BZW2: variants seen among roughly 807,000 people sequenced by gnomAD.
The protein encoded by BZW2 is eIF5-mimic protein 1.
In BZW2, 23 loss-of-function variants were observed where a neutral mutation model predicts 53.2. The ratio of observed to expected loss-of-function variants is 0.43; its 90% CI spans 0.31 to 0.61. The LOEUF is 0.61. Among genes scored for constraint, BZW2 ranks in the 20% least tolerant of loss-of-function variants. The pLI is 0.09. For missense variants in BZW2, 409 were observed against 503.1 expected (o/e 0.81, Z 1.79); for synonymous variants, 227 against 186.4 (o/e 1.22, Z -1.77).
chr7:16,697,298 C>A (rs555394125), intron 9 of BZW2, among the ~76,000 whole-genome samples: 2 of 152,064 alleles, frequency 1.3e-5, no homozygotes, highest in East Asian at 1.9e-4. Flanking sequence ...GCTGTGTTGC[C>A]CAGGCTGGTC....
Position 16,682,839 on chromosome 7 carries a change from G to GA in BZW2, c.404dup (p.Leu136AlafsTer6). 6.4e-7 allele frequency: 1 copy of GA among 1,570,222 alleles called. No individual in the cohort carries two copies. Among genetic ancestry groups the GA allele is most frequent in the South Asian group, 1.1e-5 (1 of 88,176 alleles). ...TGGAGAAGGCATTTGAAGATGAAATGAAAAAGGTAAAAATTCAAATATAAT... is the reference window on the plus strand; with the variant it reads ...TGGAGAAGGCATTTGAAGATGAAATGAAAAAAGGTAAAAATTCAAATATAAT... On this transcript the variant is annotated frameshift_variant, in exon 5 of 12. Transcript: ENST00000258761. LOFTEE classifies it high-confidence loss of function.
Position 16,691,602 on chromosome 7 carries a change from G to A in BZW2, c.651+1696G>A, listed in dbSNP as rs139853477. Among the ~76,000 whole-genome samples, 139 of 152,328 alleles carry A rather than the reference G, an allele frequency of 9.1e-4. 2 individuals carry two copies. In the East Asian group the frequency reaches 0.024, roughly 26 times the overall value. ...AAAACTCACCTATGGACGCTGCCAT[G>A]CCTGGCAATAGATTGGGAAAATCCA... On this transcript the variant is annotated intron_variant, in intron 7 of 11. Coordinates refer to ENST00000258761, the MANE Select transcript of BZW2 (RefSeq NM_014038.3).
At chr7:16,654,589 C>G (rs1489188083) in intron 1 of BZW2, among the ~76,000 whole-genome samples, 2 of 146,248 alleles carry the variant, frequency 1.4e-5, no homozygotes, top group Admixed American at 1.4e-4. Flanking sequence ...GGCTGTGATA[C>G]AGTGGCATGA....
rs183189201 is a variant in BZW2, at chr7:16,689,292, A to G, written c.542-505A>G. Among the ~76,000 whole-genome samples the G allele has an allele frequency of 1.2e-3, 190 of 152,270 alleles. 1 individual carries two copies. The highest frequency in any genetic ancestry group is 4.1e-3 in the African/African-American group (172 of 41,554). ...ATAAAAAGCAAAACTAAGGTAAATG[A>G]TATGTGTTCATCTATTCGTAGCAAT... is the stretch of plus-strand genomic sequence containing the variant. On this transcript the variant is annotated intron_variant, in intron 6 of 11. Transcript: ENST00000258761.
intron 1 of BZW2, among the ~76,000 whole-genome samples, chr7:16,656,596 C>A (rs1044912267): frequency 7.1e-6 from 1 of 140,116 alleles, no homozygotes; most frequent in African/African-American, 2.6e-5. Flanking sequence ...CACACACACA[C>A]AAGTAGGTTT....
At chr7:16,690,097 T>C (rs533593843) in intron 7 of BZW2, among the ~76,000 whole-genome samples, 191 bp downstream of exon 7, 1 of 152,306 alleles carries the variant, frequency 6.6e-6, no homozygotes, top group South Asian at 2.1e-4. Context: ...AATGGCACAA[T>C]AAAATTAAAG....
chr7:16,681,386 C>T lies in BZW2; in HGVS notation c.321C>T (p.Thr107=), dbSNP rs140952921. 3.2e-5 allele frequency: 52 copies of T among 1,613,718 alleles called. No homozygotes were observed. The highest frequency in any genetic ancestry group is 4.1e-5 in the Non-Finnish European group (48 of 1,179,848). Residue 107 remains threonine, a synonymous_variant, in exon 4 of 12, where the codon ACC becomes ACT. Transcript: ENST00000258761. ...TTTCAGCAAATGAAGATCATGAAAC[C>T]ATCCGAAACTATGCTCAGGTAGAGC... ...CVFSANEDHE[T]IRNYAQVFNK...
At position 16,647,425 on chromosome 7, in the gene BZW2, G is replaced by A. The variant is rs1056819235; in HGVS notation, c.-8+1137G>A. On this transcript the variant is annotated intron_variant, in intron 1 of 11. Transcript: ENST00000258761. Reference sequence around the variant, plus strand: ...CTCTGGCCTTAGGCATTTATTTTGCGTGAAGCTTTCACTAACATCTGAAAT... The same window carrying A: ...CTCTGGCCTTAGGCATTTATTTTGCATGAAGCTTTCACTAACATCTGAAAT... 2.0e-4 allele frequency among the ~76,000 whole-genome samples: 30 copies of A among 152,142 alleles called. 1 individual carries two copies. The highest frequency in any genetic ancestry group is 1.9e-4 in the East Asian group (1 of 5,194).
At chr7:16,680,753 G>C (rs1461748334) in intron 3 of BZW2, among the ~76,000 whole-genome samples, 1 of 152,034 alleles carries the variant, frequency 6.6e-6, no homozygotes, top group Non-Finnish European at 1.5e-5. Context: ...AGACTGCAGT[G>C]AGCCATAATT....
intron 6 of BZW2, 60 bp downstream of exon 6, chr7:16,686,100 A>C: frequency 6.3e-7 from 1 of 1,590,314 alleles, no homozygotes; most frequent in Non-Finnish European, 8.6e-7. Flanking sequence ...AGTCACAGAT[A>C]GTTAGAAAAA....
chr7:16,646,889 G>A (rs1408637856), intron 1 of BZW2, among the ~76,000 whole-genome samples: 1 of 152,180 alleles, frequency 6.6e-6, no homozygotes, highest in Non-Finnish European at 1.5e-5. Context: ...GAGGGGGAAG[G>A]AAGGGCTTCT....
At chr7:16,697,213 C>T (rs945501233) in intron 9 of BZW2, 152 bp downstream of exon 9, 11 of 884,830 alleles carry the variant, frequency 1.2e-5, no homozygotes, top group Non-Finnish European at 1.8e-5. Flanking sequence ...CCTCAGCCTC[C>T]CAGGTAGCTA....
At position 16,653,795 on chromosome 7, in the gene BZW2, A is replaced by G. The variant is rs981004055; in HGVS notation, c.-8+7507A>G. ...ATGTTAAAGGGTTTAAATTATTATC[A>G]TCTCCATGGAGTGGGGCTAGGATAT... On this transcript the variant is annotated intron_variant, in intron 1 of 11. Coordinates refer to ENST00000258761, the MANE Select transcript of BZW2 (RefSeq NM_014038.3). 3.7e-4 allele frequency among the ~76,000 whole-genome samples: 57 copies of G among 152,302 alleles called. 1 individual carries two copies. The highest frequency in any genetic ancestry group is 3.7e-3 in the Admixed American group (57 of 15,290).
At chr7:16,697,755 A>G (rs1389339831) in intron 9 of BZW2, among the ~76,000 whole-genome samples, 1 of 152,162 alleles carries the variant, frequency 6.6e-6, no homozygotes, top group East Asian at 1.9e-4. Flanking sequence ...TCTAAGGGAT[A>G]TTTCGAAAAT....
chr7:16,685,315 C>T (rs1322174372), intron 5 of BZW2, among the ~76,000 whole-genome samples: 1 of 152,076 alleles, frequency 6.6e-6, no homozygotes, highest in African/African-American at 2.4e-5. Flanking sequence ...TAGAAAACCC[C>T]TTTCTCCCTC....
intron 7 of BZW2, among the ~76,000 whole-genome samples, chr7:16,694,221 G>A (rs1356618585): frequency 6.6e-6 from 1 of 152,182 alleles, no homozygotes; most frequent in Admixed American, 6.5e-5. Flanking sequence ...TCAGAATTAT[G>A]TAATAAACTA....
chr7:16,701,763 TC>T (rs1783675924), intron 10 of BZW2, among the ~76,000 whole-genome samples: 1 of 152,196 alleles, frequency 6.6e-6, no homozygotes, highest in African/African-American at 2.4e-5. Flanking sequence ...ATAGGGCAGG[TC>T]TTTCATTAAA....
rs375198075 is a variant in BZW2 at position 16,665,425 on chromosome 7, C to T, written c.-7-12C>T. ...ATCTGAAATACATAATCTTTATTTT[C>T]TTTGTTTTCAGAAATTTTATGAATA... On this transcript the variant is annotated splice_polypyrimidine_tract_variant and intron_variant, in intron 1 of 11. Coordinates refer to ENST00000258761, the MANE Select transcript of BZW2 (RefSeq NM_014038.3). 4 of 1,613,668 alleles carry T rather than the reference C, an allele frequency of 2.5e-6. No individual in the cohort carries two copies. In the African/African-American group the frequency reaches 5.3e-5, roughly 22 times the overall value.
At chr7:16,679,733 T>A (rs1272161494) in intron 3 of BZW2, among the ~76,000 whole-genome samples, 1 of 152,220 alleles carries the variant, frequency 6.6e-6, no homozygotes, top group Non-Finnish European at 1.5e-5. Flanking sequence ...CAGCTTTGAC[T>A]ATTATTGTAT....
Sources: allele counts gnomAD v4.1 joint callset (sites outside exome capture counted in the v4.1 genomes callset), GRCh38; gene constraint gnomAD v4.1.1; transcripts MANE v1.5; gene names NCBI Gene and HGNC (gene_info 2026-07-23, HGNC 2026-07-21).